The following MACROD2 variants were observed in gnomAD, a reference collection of about 807,000 sequenced individuals.
The protein encoded by MACROD2 is mono-ADP ribosylhydrolase 2, also known as ADP-ribose glycohydrolase MACROD2.
In MACROD2, 36 loss-of-function variants were observed where a neutral mutation model predicts 70.4. The ratio of observed to expected loss-of-function variants is 0.51; its 90% CI spans 0.39 to 0.68. The LOEUF (loss-of-function observed/expected upper bound fraction) is 0.68, where lower values mean the gene tolerates loss of function less well. Among genes scored for constraint, MACROD2 ranks in the 30% least tolerant of loss-of-function variants. The pLI is 0.00. For missense variants in MACROD2, 496 were observed against 538.4 expected, an observed-to-expected ratio of 0.92 and a Z score of 0.78; for synonymous variants, 172 against 178.8, an observed-to-expected ratio of 0.96 and a Z score of 0.30.
In MACROD2 at chr20:16,050,547, C is replaced by T. The variant is rs1322060354; in HGVS notation, c.*671C>T. 6.6e-6 allele frequency: 1 copy of T among 152,326 alleles called. No homozygotes were observed. The highest frequency in any genetic ancestry group is 1.5e-5 in the Non-Finnish European group (1 of 68,142). 9.4% of individuals were successfully genotyped at this position (152,326 alleles called of 1,614,324 possible). ...TGGGCCCTGGCAGCCATCTGGGTCT[C>T]TTCCTTCCTAACCATGGTGGCAGGT... On this transcript the variant is annotated 3_prime_UTR_variant, in exon 18 of 18. Transcript: ENST00000684519.
chr20:15,029,597 C>A (rs960617244), intron 5 of MACROD2, among the ~76,000 whole-genome samples: 27 of 152,126 alleles, frequency 1.8e-4, no homozygotes, highest in African/African-American at 6.5e-4. Context: ...GTGGAGGTAC[C>A]AAGCTTTTCT....
intron 6 of MACROD2, among the ~76,000 whole-genome samples, chr20:15,311,991 T>A (rs1268497051): frequency 1.3e-5 from 2 of 152,020 alleles, no homozygotes; most frequent in Non-Finnish European, 2.9e-5. Flanking sequence ...TGGAAAGTAA[T>A]ATTTTAGTAG....
chr20:15,173,948 C>T (rs979053478), intron 5 of MACROD2, among the ~76,000 whole-genome samples: 2 of 152,072 alleles, frequency 1.3e-5, no homozygotes, highest in African/African-American at 4.8e-5. Context: ...ATGTTTTGTT[C>T]ATTGGTTAAA....
chr20:15,259,026 A>G (rs2077224533), intron 6 of MACROD2, among the ~76,000 whole-genome samples: 1 of 152,076 alleles, frequency 6.6e-6, no homozygotes, highest in African/African-American at 2.4e-5. Flanking sequence ...CTACAAATGT[A>G]GACATGTAAC....
At chr20:14,210,705 T>A (rs2081563770) in intron 3 of MACROD2, among the ~76,000 whole-genome samples, 1 of 152,216 alleles carries the variant, frequency 6.6e-6, no homozygotes, top group Non-Finnish European at 1.5e-5. Context: ...TCCACTGTGA[T>A]GATTAAAATT....
chr20:15,392,143 C>T (rs1391278738), intron 6 of MACROD2, among the ~76,000 whole-genome samples: 2 of 152,060 alleles, frequency 1.3e-5, no homozygotes, highest in Admixed American at 1.3e-4. Flanking sequence ...CAACTATAAG[C>T]TTGAAAGCTG....
chr20:14,529,438 C>G (rs936912001), intron 4 of MACROD2, among the ~76,000 whole-genome samples: 1 of 152,170 alleles, frequency 6.6e-6, no homozygotes. Context: ...TAGACTACCT[C>G]ATTACACAGC....
At chr20:15,082,343 A>G (rs1332489207) in intron 5 of MACROD2, among the ~76,000 whole-genome samples, 1 of 152,136 alleles carries the variant, frequency 6.6e-6, no homozygotes, top group Non-Finnish European at 1.5e-5. Flanking sequence ...ATTGTGTTTT[A>G]GCAAGCTTAT....
At chr20:14,083,791 T>A (rs2054033126) in intron 2 of MACROD2, among the ~76,000 whole-genome samples, 1 of 151,548 alleles carries the variant, frequency 6.6e-6, no homozygotes, top group African/African-American at 2.4e-5. Flanking sequence ...AGAATACTTC[T>A]GGGAGAGGCC....
At chr20:15,704,618 G>T (rs1303704643) in intron 8 of MACROD2, among the ~76,000 whole-genome samples, 1 of 152,210 alleles carries the variant, frequency 6.6e-6, no homozygotes, top group African/African-American at 2.4e-5. Flanking sequence ...ATAAGGTGGG[G>T]TTGAGATGCT....
At chr20:14,684,648 ACC>A (rs11467642) in intron 4 of MACROD2, among the ~76,000 whole-genome samples, 193 bp from the exon 5 acceptor site, 98,274 of 136,178 alleles carry the variant, frequency 0.72, 34,343 homozygotes, top group African/African-American at 0.81. Context: ...ACATAACCTC[ACC>A]CCCCCCCCCC....
chr20:14,459,970 G>T (rs2084349146), intron 3 of MACROD2, among the ~76,000 whole-genome samples: 1 of 152,096 alleles, frequency 6.6e-6, no homozygotes, highest in African/African-American at 2.4e-5. Flanking sequence ...GTGAGAACAT[G>T]TGGTGTTTGG....
intron 2 of MACROD2, among the ~76,000 whole-genome samples, chr20:14,031,705 A>T (rs1246293991): frequency 6.6e-6 from 1 of 152,154 alleles, no homozygotes; most frequent in Non-Finnish European, 1.5e-5. Flanking sequence ...CATTAAAAAG[A>T]TATGAAAACA....
At chr20:14,760,038 G>A (rs566518089) in intron 5 of MACROD2, among the ~76,000 whole-genome samples, 10 of 152,192 alleles carry the variant, frequency 6.6e-5, no homozygotes, top group Non-Finnish European at 1.0e-4. Context: ...TGCTTACCTG[G>A]GCATTGGACA....
intron 3 of MACROD2, among the ~76,000 whole-genome samples, chr20:14,428,851 G>T (rs183964871): frequency 4.6e-4 from 70 of 152,214 alleles, no homozygotes; most frequent in Admixed American, 2.2e-3. Context: ...TTGTATAGCC[G>T]AATATACTCC....
At chr20:15,549,862 T>A (rs1055770120) in intron 8 of MACROD2, among the ~76,000 whole-genome samples, 2 of 152,182 alleles carry the variant, frequency 1.3e-5, no homozygotes, top group Admixed American at 1.3e-4. Context: ...TCAACCTTTT[T>A]TTTTTCAGCG....
rs1406733492 is a variant in MACROD2 at position 14,849,492 on chromosome 20, C to G, written c.418+164533C>G. Among the ~76,000 whole-genome samples, 33 of 152,174 alleles carry G rather than the reference C, an allele frequency of 2.2e-4. 1 individual carries two copies. Among genetic ancestry groups the G allele is most frequent in the Non-Finnish European group, 2.9e-5 (2 of 67,992 alleles). Reference sequence around the variant, plus strand: ...ATTACGTGATGTCCTTCCTCAAGCCCTCTCTCAGCCAGGCACAGTGGCTCA... The same window carrying G: ...ATTACGTGATGTCCTTCCTCAAGCCGTCTCTCAGCCAGGCACAGTGGCTCA... On this transcript the variant is annotated intron_variant, in intron 5 of 17. Transcript: ENST00000684519.
intron 5 of MACROD2, among the ~76,000 whole-genome samples, chr20:15,154,412 C>T (rs529003935): frequency 2.6e-5 from 4 of 152,316 alleles, no homozygotes; most frequent in African/African-American, 7.2e-5. Context: ...AAGCTCTCTA[C>T]CTACTTTGGG....
At chr20:14,220,669 AG>A (rs1283267764) in intron 3 of MACROD2, among the ~76,000 whole-genome samples, 1 of 152,064 alleles carries the variant, frequency 6.6e-6, no homozygotes, top group East Asian at 1.9e-4. Flanking sequence ...ATGGCCTGCT[AG>A]GGTACCCAGC....
Sources: gnomAD v4.1 joint callset for allele counts (sites outside exome capture counted in the v4.1 genomes callset) on GRCh38, gnomAD v4.1.1 for gene constraint, MANE v1.5 for transcripts, NCBI Gene and HGNC (gene_info 2026-07-23, HGNC 2026-07-21) for gene names.